Variants in CC2D2B observed in about 807,000 individuals in gnomAD.
CC2D2B encodes protein CC2D2B.
CC2D2B carries 128 observed loss-of-function variants against 161.2 expected under a neutral mutation model. The ratio of observed to expected loss-of-function variants is 0.79; its 90% confidence interval spans 0.69 to 0.92. The LOEUF is 0.92. Among genes scored for constraint, CC2D2B ranks in the 40% least tolerant of loss-of-function variants. The probability of loss-of-function intolerance (pLI) is 0.00; values close to 1 mark genes in which losing one functional copy is unlikely to be tolerated. For synonymous variants in CC2D2B, 391 were observed against 449.8 expected (o/e 0.87, Z 1.65); for missense variants, 1,173 against 1,375.1 (o/e 0.85, Z 2.32).
In CC2D2B at chr10:96,011,752, TACAC is replaced by T. The variant is rs369797565; in HGVS notation, c.3046-411_3046-408del. On this transcript the variant is annotated intron_variant, in intron 26 of 34. Coordinates refer to ENST00000646931, the MANE Select transcript of CC2D2B (RefSeq NM_001349008.3). ...CCTCTTACACACACGCACACACACATACACACACACACACACACACACACAATTT... is the reference window on the plus strand; with the variant it reads ...CCTCTTACACACACGCACACACACATACACACACACACACACACACAATTT... Among the ~76,000 whole-genome samples the T allele has an allele frequency of 4.9e-3, 725 of 147,994 alleles. 4 individuals are homozygous for T. The highest frequency in any genetic ancestry group is 0.012 in the African/African-American group (492 of 40,308).
chr10:96,027,475 A>G, intron 34 of CC2D2B, 86 bp downstream of exon 34: 1 of 939,800 alleles, frequency 1.1e-6, no homozygotes, highest in East Asian at 2.7e-5. Flanking sequence ...ATATTTCTGA[A>G]AGGCCTTTTA....
intron 34 of CC2D2B, 29 bp from the exon 35 acceptor site, chr10:96,031,791 G>T (rs1315568341): frequency 6.3e-7 from 1 of 1,589,160 alleles, no homozygotes. Context: ...TGTAATGTGG[G>T]TTTATGTGCT....
In CC2D2B at chr10:96,001,220, A is replaced by G. The variant is rs147233236; in HGVS notation, c.2850-2932A>G. On this transcript the variant is annotated intron_variant, in intron 24 of 34. Coordinates refer to ENST00000646931, the MANE Select transcript of CC2D2B (RefSeq NM_001349008.3). The stretch of plus-strand genomic sequence containing the variant: ...TTACTGCTGGGTATAAATTTCTCTC[A>G]TGAGCAGGTATGTGTAGCTATTAAA... 3.3e-5 allele frequency among the ~76,000 whole-genome samples: 5 copies of G among 152,260 alleles called. No homozygotes were observed. The East Asian group carries it at 7.7e-4, about 23-fold the overall frequency.
intron 30 of CC2D2B, chr10:96,018,681 T>C (rs1169939511): frequency 6.6e-6 from 1 of 152,320 alleles, no homozygotes; most frequent in Non-Finnish European, 1.5e-5. Flanking sequence ...TGAATCCTCA[T>C]GCTAACCTGG....
At chr10:96,026,086 G>A (rs1010137783) in intron 33 of CC2D2B, among the ~76,000 whole-genome samples, 3 of 152,146 alleles carry the variant, frequency 2.0e-5, no homozygotes, top group Admixed American at 6.6e-5. Context: ...TTGATAAGGC[G>A]CTACAGGTGA....
intron 1 of CC2D2B, among the ~76,000 whole-genome samples, chr10:95,908,591 C>T (rs964044453): frequency 1.3e-5 from 2 of 152,042 alleles, no homozygotes; most frequent in African/African-American, 4.8e-5. Flanking sequence ...CTCCATCCAG[C>T]TATAGTTGAG....
At chr10:96,004,091 C>T in intron 24 of CC2D2B, 61 bp from the exon 25 acceptor site, 1 of 965,418 alleles carries the variant, frequency 1.0e-6, no homozygotes, top group African/African-American at 1.7e-5. Flanking sequence ...GAATAGTGCT[C>T]TTAGGAAATA....
chr10:96,023,715 C>A (rs182822168), intron 32 of CC2D2B, among the ~76,000 whole-genome samples: 20 of 152,304 alleles, frequency 1.3e-4, no homozygotes, highest in African/African-American at 4.1e-4. Flanking sequence ...TACTGTGGGG[C>A]TCCTCCCTGT....
At chr10:96,004,958 C>T (rs150954194) in intron 25 of CC2D2B, among the ~76,000 whole-genome samples, 155 of 152,286 alleles carry the variant, frequency 1.0e-3, no homozygotes, top group Non-Finnish European at 1.4e-3. Context: ...GGTTCAGGAA[C>T]GAGCCTTCTG....
At chr10:95,996,076 A>T (rs1590804321) in intron 23 of CC2D2B, 67 bp from the exon 24 acceptor site, 4 of 601,970 alleles carry the variant, frequency 6.6e-6, no homozygotes, top group Non-Finnish European at 1.0e-5. Flanking sequence ...GTAATTTCCT[A>T]GGCCTCTACC....
At chr10:95,951,903 A>G (rs1048295226) in intron 10 of CC2D2B, among the ~76,000 whole-genome samples, 1 of 152,132 alleles carries the variant, frequency 6.6e-6, no homozygotes, top group African/African-American at 2.4e-5. Context: ...GCTTTTTTTC[A>G]ATTTATTCTC....
Position 95,974,077 on chromosome 10 carries a change from TA to T in CC2D2B, c.1865del (p.Tyr622PhefsTer7). On this transcript the variant is annotated frameshift_variant, in exon 17 of 35. Coordinates refer to ENST00000646931, the MANE Select transcript of CC2D2B (RefSeq NM_001349008.3). LOFTEE classifies it high-confidence loss of function. ...LCLLTSGKLSYSLSWSLDENG... is the reference protein window; with the variant it reads ...LCLLTSGKLSXSLSWSLDENG... ...TCTTTTGACATCAGGAAAACTTAGC[TA>T]TTCTCTATCATGGAGCTTAGATGAA... 1 of 1,230,846 alleles carries T rather than the reference TA, an allele frequency of 8.1e-7. No homozygotes were observed. Among genetic ancestry groups the T allele is most frequent in the Non-Finnish European group, 1.0e-6 (1 of 986,818 alleles). The allele number at this position is 1,230,846 out of a possible 1,614,324, so 76.2% of individuals were successfully genotyped here. A position where few individuals can be genotyped will look rare whatever the true frequency, so the allele number is the denominator to read the frequency against.
At position 95,996,236 on chromosome 10, in the gene CC2D2B, A is replaced by C. The variant is rs531442066; in HGVS notation, c.2833A>C (p.Ile945Leu). ...ATCTCATCCATGCTGGAATGAAGAA[A>C]TTAAAGTAGATTTTGTGTAAGTTGG... ...SGSHPCWNEE[I>L]KVDFVSPGHD... The change falls in exon 24 of 35, where the codon ATT becomes CTT. Residue 945 changes from isoleucine (I) to leucine (L), a missense_variant. Physicochemically the swap from Ile to Leu is conservative, Grantham distance 5 (BLOSUM62 2). Around this residue, in one of 3 missense-constraint regions of CC2D2B, gnomAD observed 598 missense variants for 693.2 expected, o/e 0.86. Transcript: ENST00000646931. 1.4e-6 allele frequency: 2 copies of C among 1,445,748 alleles called. No individual in the cohort carries two copies. The highest frequency in any genetic ancestry group is 2.8e-5 in the African/African-American group (2 of 71,362). The allele number at this position is 1,445,748 out of a possible 1,614,324, so 89.6% of individuals were successfully genotyped here.
At chr10:95,994,954 C>T (rs183450733) in intron 22 of CC2D2B, among the ~76,000 whole-genome samples, 2 of 152,212 alleles carry the variant, frequency 1.3e-5, no homozygotes, top group East Asian at 1.9e-4. Context: ...AATCCTCCAC[C>T]CACAATATAT....
chr10:96,018,586 AT>A, intron 30 of CC2D2B: 1 of 152,328 alleles, frequency 6.6e-6, no homozygotes, highest in African/African-American at 2.4e-5. Flanking sequence ...TAATGCACTG[AT>A]TTGTTAAAAC....
chr10:95,932,777 G>A (rs1590409227), intron 6 of CC2D2B, among the ~76,000 whole-genome samples: 1 of 152,250 alleles, frequency 6.6e-6, no homozygotes, highest in South Asian at 2.1e-4. Flanking sequence ...TTCCCTTTGT[G>A]GGTAACTTGA....
chr10:96,006,437 C>T (rs1023210326), intron 25 of CC2D2B, among the ~76,000 whole-genome samples: 4 of 151,454 alleles, frequency 2.6e-5, no homozygotes, highest in African/African-American at 9.7e-5. Context: ...ACTGTATCTT[C>T]GCATTTTCAA....
At chr10:96,001,276 C>A (rs2078482299) in intron 24 of CC2D2B, among the ~76,000 whole-genome samples, 1 of 152,016 alleles carries the variant, frequency 6.6e-6, no homozygotes, top group Non-Finnish European at 1.5e-5. Context: ...TAATATGTTT[C>A]TTTTTATTTT....
chr10:95,997,775 C>G (rs189510793), intron 24 of CC2D2B, among the ~76,000 whole-genome samples: 11 of 152,312 alleles, frequency 7.2e-5, no homozygotes, highest in Middle Eastern at 3.4e-3. Context: ...CCATCTTTAG[C>G]AAGTTCCCAG....
Sources: allele counts gnomAD v4.1 joint callset (sites outside exome capture counted in the v4.1 genomes callset), GRCh38; gene constraint gnomAD v4.1.1; regional missense constraint gnomAD v4.1.1; transcripts MANE v1.5; gene names NCBI Gene and HGNC (gene_info 2026-07-23, HGNC 2026-07-21).